BMP7: variants seen among roughly 807,000 people sequenced by gnomAD.
BMP7 encodes osteogenic protein 1.
A neutral mutation model predicts 41.2 loss-of-function variants in BMP7; 12 were observed. The observed-to-expected ratio is 0.29, with a 90% confidence interval of 0.19 to 0.47. The LOEUF is 0.47. Ranked by LOEUF, BMP7 falls within the 20% of genes least tolerant of loss-of-function variation. The probability of loss-of-function intolerance (pLI) is 0.99; values close to 1 mark genes in which losing one functional copy is unlikely to be tolerated. For missense variants in BMP7, 467 were observed against 606.0 expected, an observed-to-expected ratio of 0.77 and a Z score of 2.41; for synonymous variants, 248 against 250.0, an observed-to-expected ratio of 0.99 and a Z score of 0.07.
At chr20:57,172,100 G>A (rs993631959) in intron 6 of BMP7, among the ~76,000 whole-genome samples, 3 of 152,180 alleles carry the variant, frequency 2.0e-5, no homozygotes, top group African/African-American at 7.2e-5. Context: ...TGGCACTCCT[G>A]TTCCATGGGC....
chr20:57,235,790 T>A lies in BMP7; in HGVS notation c.419-7369A>T, dbSNP rs761138849. On this transcript the variant is annotated intron_variant, in intron 1 of 6. Transcript: ENST00000395863. ...TTGGGAAAATGCTTGAATGTCAAGC[T>A]AAGGGGTTGATCATTGATGTCATCA... Among the ~76,000 whole-genome samples, 4 of 152,206 alleles carry A rather than the reference T, an allele frequency of 2.6e-5. 1 individual carries two copies. Among genetic ancestry groups the A allele is most frequent in the African/African-American group, 4.8e-5 (2 of 41,456 alleles).
chr20:57,265,134 G>T (rs545130811), intron 1 of BMP7, among the ~76,000 whole-genome samples: 2 of 152,340 alleles, frequency 1.3e-5, no homozygotes, highest in African/African-American at 4.8e-5. Context: ...TTCTTCCCCA[G>T]CTCCAGCCAA....
rs1430079840 is a variant in BMP7 at position 57,213,151 on chromosome 20, G to A, written c.612-10528C>T. ...CCTCTCACCCACCCCACGGCTGTCT[G>A]TCTCCCTCTGGGCAGGGCCAGCTGA... On this transcript the variant is annotated intron_variant, in intron 2 of 6. Coordinates refer to ENST00000395863, the MANE Select transcript of BMP7 (RefSeq NM_001719.3). The surrounding 1 kb of genome is among the most constrained non-coding windows in gnomAD (Gnocchi z 4.4). Among the ~76,000 whole-genome samples the A allele has an allele frequency of 6.6e-6, 1 of 152,202 alleles. No homozygotes were observed. The highest frequency in any genetic ancestry group is 2.4e-5 in the African/African-American group (1 of 41,456).
rs373650740 is a variant in BMP7, at chr20:57,228,399, G to T, written c.441C>A (p.Phe147Leu). Residue 147 changes from phenylalanine (F) to leucine (L), a missense_variant, in exon 2 of 7, where the codon TTC (phenylalanine) becomes TTA (leucine). Phe to Leu is a conservative substitution (Grantham distance 22). Coordinates refer to ENST00000395863, the MANE Select transcript of BMP7 (RefSeq NM_001719.3). This position sits in a 1 kb window ranked among gnomAD's most constrained non-coding sequence, Gnocchi z 4.5. Reference protein sequence around the residue: ...VNLVEHDKEFFHPRYHHREFR... With the variant: ...VNLVEHDKEFLHPRYHHREFR... ...ACTCTCGATGGTGGTAGCGTGGGTG[G>T]AAGAATTCCTTGTCATGTTCCACTG... The T allele has an allele frequency of 1.2e-6, 2 of 1,614,042 alleles. No homozygotes were observed. Among genetic ancestry groups the T allele is most frequent in the Non-Finnish European group, 8.5e-7 (1 of 1,180,030 alleles).
At chr20:57,210,086 G>A (rs1984843087) in intron 2 of BMP7, among the ~76,000 whole-genome samples, 1 of 152,124 alleles carries the variant, frequency 6.6e-6, no homozygotes, top group African/African-American at 2.4e-5. Context: ...GGCTGTTTCT[G>A]ATTAAAGAAA....
intron 2 of BMP7, among the ~76,000 whole-genome samples, chr20:57,221,580 A>T (rs1985190610): frequency 1.3e-5 from 2 of 152,144 alleles, no homozygotes; most frequent in African/African-American, 4.8e-5. Context: ...TGGGAGGCCA[A>T]GGCAGGAGAA....
chr20:57,183,068 C>G (rs2123066745), intron 4 of BMP7, among the ~76,000 whole-genome samples: 1 of 152,256 alleles, frequency 6.6e-6, no homozygotes, highest in East Asian at 1.9e-4. Context: ...AACCCCGTCT[C>G]TACTAAAAAT....
chr20:57,228,320 A>T lies in BMP7; in HGVS notation c.520T>A (p.Phe174Ile), dbSNP rs2066015846. 1 of 1,614,062 alleles carries T rather than the reference A, an allele frequency of 6.2e-7. No individual in the cohort carries two copies. Among genetic ancestry groups the T allele is most frequent in the South Asian group, 1.1e-5 (1 of 91,054 alleles). ...PEGEAVTAAEFRIYKDYIRER... is the reference protein window; with the variant it reads ...PEGEAVTAAEIRIYKDYIRER... ...CGGATGTAGTCCTTGTAGATCCGGAATTCGGCTGCCGTGACAGCTTCCCCT... is the reference window on the plus strand; with the variant it reads ...CGGATGTAGTCCTTGTAGATCCGGATTTCGGCTGCCGTGACAGCTTCCCCT... Residue 174 changes from phenylalanine (F) to isoleucine (I), a missense_variant, in exon 2 of 7, where the codon TTC (phenylalanine) becomes ATC (isoleucine). Around this residue, in one of 2 missense-constraint regions of BMP7, gnomAD observed 407 missense variants for 485.9 expected, o/e 0.84. Coordinates refer to ENST00000395863, the MANE Select transcript of BMP7 (RefSeq NM_001719.3). This position sits in a 1 kb window ranked among gnomAD's most constrained non-coding sequence, Gnocchi z 4.5.
chr20:57,247,432 G>A (rs1443827109), intron 1 of BMP7, among the ~76,000 whole-genome samples: 3 of 152,150 alleles, frequency 2.0e-5, no homozygotes, highest in Admixed American at 6.5e-5. Flanking sequence ...CAATGGGGAC[G>A]AGAACAGAGA....
At position 57,183,613 on chromosome 20, in the gene BMP7, G is replaced by C; in HGVS notation, c.958+109C>G. The C allele has an allele frequency of 1.4e-6, 2 of 1,403,648 alleles. 1 individual carries two copies. The highest frequency in any genetic ancestry group is 2.3e-5 in the South Asian group (2 of 85,564). The allele number at this position is 1,403,648 out of a possible 1,614,324, so 86.9% of individuals were successfully genotyped here. On this transcript the variant is annotated intron_variant, in intron 4 of 6. Coordinates refer to ENST00000395863, the MANE Select transcript of BMP7 (RefSeq NM_001719.3). ...TTCTTCCTGCTATATTTGTTCCAGA[G>C]CCATCTGGTGAGCACCTGAATGGAT...
chr20:57,216,504 G>A (rs922389168), intron 2 of BMP7, among the ~76,000 whole-genome samples: 7 of 149,878 alleles, frequency 4.7e-5, no homozygotes, highest in African/African-American at 7.4e-5. Context: ...TCTCCTGAGG[G>A]CGAGGGGGCT....
At chr20:57,195,369 G>A (rs747422952) in intron 3 of BMP7, among the ~76,000 whole-genome samples, 9 of 152,144 alleles carry the variant, frequency 5.9e-5, no homozygotes, top group Non-Finnish European at 1.2e-4. Context: ...CATTTCTCTG[G>A]GTGGACCAAG....
intron 4 of BMP7, among the ~76,000 whole-genome samples, chr20:57,177,337 CT>C (rs1983952763): frequency 7.0e-6 from 1 of 143,230 alleles, no homozygotes; most frequent in South Asian, 2.5e-4. Flanking sequence ...AAGCAGGCTG[CT>C]TTTATTTTCA....
At chr20:57,249,378 G>C (rs917876694) in intron 1 of BMP7, among the ~76,000 whole-genome samples, 4 of 152,078 alleles carry the variant, frequency 2.6e-5, no homozygotes, top group African/African-American at 9.7e-5. Flanking sequence ...GTGATCTGCT[G>C]CAACACTGGG....
At chr20:57,250,411 G>T (rs2066107580) in intron 1 of BMP7, among the ~76,000 whole-genome samples, 1 of 148,588 alleles carries the variant, frequency 6.7e-6, no homozygotes, top group African/African-American at 2.5e-5. Flanking sequence ...CATGCCTGTA[G>T]TTCCAGCTGC....
chr20:57,250,965 T>C (rs1228846988), intron 1 of BMP7, among the ~76,000 whole-genome samples: 2 of 152,220 alleles, frequency 1.3e-5, no homozygotes, highest in Non-Finnish European at 1.5e-5. Flanking sequence ...ATCCAAGTCC[T>C]GTGGAGACAC....
At chr20:57,258,011 A>G (rs1319768873) in intron 1 of BMP7, among the ~76,000 whole-genome samples, 1 of 152,102 alleles carries the variant, frequency 6.6e-6, no homozygotes, top group Non-Finnish European at 1.5e-5. Context: ...CCTAAACCCA[A>G]TGCTTAGAAA....
At chr20:57,238,502 T>C (rs578221994) in intron 1 of BMP7, among the ~76,000 whole-genome samples, 1 of 152,288 alleles carries the variant, frequency 6.6e-6, no homozygotes, top group East Asian at 1.9e-4. Flanking sequence ...TGTAGCTCTA[T>C]TTTCAATATT....
intron 1 of BMP7, among the ~76,000 whole-genome samples, chr20:57,254,661 C>CA (rs1568731035): frequency 6.8e-6 from 1 of 147,384 alleles, no homozygotes; most frequent in South Asian, 2.2e-4. Context: ...AAAAAAAAAA[C>CA]AAAAAACAAA....
Sources: gnomAD v4.1 joint callset for allele counts (sites outside exome capture counted in the v4.1 genomes callset) on GRCh38, gnomAD v4.1.1 for gene constraint, gnomAD v4.1.1 regional missense constraint, Gnocchi (gnomAD v3.1) non-coding constraint, MANE v1.5 for transcripts, NCBI Gene and HGNC (gene_info 2026-07-23, HGNC 2026-07-21) for gene names.